CDKN2B-AS1: variants seen among roughly 807,000 people sequenced by gnomAD.
CDKN2B-AS1 encodes the protein CDKN2B antisense RNA 1 (non-protein coding).
At chr9:22,084,499 C>T (rs1401011004) in intron 4 of CDKN2B-AS1, among the ~76,000 whole-genome samples, 1 of 152,114 alleles carries the variant, frequency 6.6e-6, no homozygotes, top group African/African-American at 2.4e-5. Flanking sequence ...GATCAAAGCA[C>T]CTTTCAGCCT....
rs536499177 is a variant in CDKN2B-AS1, at chr9:22,065,909, C to T, written n.438+9522C>T. 7.1e-4 allele frequency among the ~76,000 whole-genome samples: 108 copies of T among 152,272 alleles called. 2 individuals are homozygous for T. The South Asian group carries it at 0.022, about 32-fold the overall frequency. Reference sequence around the variant, plus strand: ...ATTCAGCATCTTTTTGTACCCGTAGCTCTTTGTTCTGAGCATAAATGTGAC... The same window carrying T: ...ATTCAGCATCTTTTTGTACCCGTAGTTCTTTGTTCTGAGCATAAATGTGAC... On this transcript the variant is annotated intron_variant and non_coding_transcript_variant, in intron 4 of 4. Transcript: ENST00000650946.
At chr9:22,020,339 C>T (rs1414254625) in intron 1 of CDKN2B-AS1, among the ~76,000 whole-genome samples, 1 of 152,260 alleles carries the variant, frequency 6.6e-6, no homozygotes, top group East Asian at 1.9e-4. Flanking sequence ...AATAAACATA[C>T]ACATGCAAGT....
rs1430816596 is a variant in CDKN2B-AS1 at position 22,039,109 on chromosome 9, A to C, written n.30-7642A>C. 6.6e-6 allele frequency among the ~76,000 whole-genome samples: 1 copy of C among 152,048 alleles called. No homozygotes were observed. The highest frequency in any genetic ancestry group is 1.9e-4 in the East Asian group (1 of 5,182). ...TCTTTACTAAATAACTCTAGGGAACAGTACCTTAAAAATATTCAAAATGAC... is the reference window on the plus strand; with the variant it reads ...TCTTTACTAAATAACTCTAGGGAACCGTACCTTAAAAATATTCAAAATGAC... On this transcript the variant is annotated intron_variant and non_coding_transcript_variant, in intron 1 of 4. Transcript: ENST00000650946. This position sits in a 1 kb window ranked among gnomAD's most constrained non-coding sequence, Gnocchi z 4.4.
intron 3 of CDKN2B-AS1, among the ~76,000 whole-genome samples, chr9:22,049,918 C>T (rs1389594703): frequency 6.6e-6 from 1 of 151,958 alleles, no homozygotes; most frequent in African/African-American, 2.4e-5. Flanking sequence ...TCCTAGCAAT[C>T]ATAAAATTTA....
At chr9:22,009,217 C>T (rs1258286924) in intron 1 of CDKN2B-AS1, 2 of 593,038 alleles carry the variant, frequency 3.4e-6, no homozygotes, top group Non-Finnish European at 6.0e-6. Context: ...AAGCGCCTAG[C>T]GCGGACGCAG....
chr9:22,057,585 G>T (rs1823625156), intron 4 of CDKN2B-AS1, among the ~76,000 whole-genome samples: 1 of 151,868 alleles, frequency 6.6e-6, no homozygotes, highest in Non-Finnish European at 1.5e-5. Context: ...AAGGTGGGCT[G>T]ATTGCTTGAG....
chr9:22,025,947 A>C (rs1195636828), intron 1 of CDKN2B-AS1, among the ~76,000 whole-genome samples: 1 of 152,148 alleles, frequency 6.6e-6, no homozygotes, highest in East Asian at 1.9e-4. Context: ...CTAACAGCAA[A>C]TATGGTGGGC....
rs747033447 is a variant in CDKN2B-AS1, at chr9:22,005,969, C to T, written n.29+10808C>T. The T allele has an allele frequency of 9.4e-6, 15 of 1,598,872 alleles. No individual in the cohort carries two copies. The highest frequency in any genetic ancestry group is 4.0e-5 in the African/African-American group (3 of 74,892). On this transcript the variant is annotated intron_variant and non_coding_transcript_variant, in intron 1 of 4. Transcript: ENST00000650946. The surrounding 1 kb of genome is among the most constrained non-coding windows in gnomAD (Gnocchi z 4.9). ...GGTAAGAAAATAAAGTCGTTGTGGG[C>T]GGCTGGGGAACCTGGCGTCAGTCCC...
Position 22,022,364 on chromosome 9 carries a change from A to T in CDKN2B-AS1, n.30-24387A>T, listed in dbSNP as rs188870805. Among the ~76,000 whole-genome samples, 95 of 152,058 alleles carry T rather than the reference A, an allele frequency of 6.2e-4. 1 individual carries two copies. Among genetic ancestry groups the T allele is most frequent in the African/African-American group, 2.2e-3 (90 of 41,460 alleles). ...TGTTGGGTGTATATATATTTAGGAT[A>T]GTTAGATTTTCTCGTTGAATTGAAC... On this transcript the variant is annotated intron_variant and non_coding_transcript_variant, in intron 1 of 4. Transcript: ENST00000650946.
intron 4 of CDKN2B-AS1, among the ~76,000 whole-genome samples, chr9:22,081,516 C>G (rs1229244368): frequency 6.6e-6 from 1 of 152,116 alleles, no homozygotes; most frequent in Non-Finnish European, 1.5e-5. Context: ...GAGACTTGGC[C>G]CTGCCTGGCC....
At chr9:22,011,041 TTGAC>T (rs1286051047) in intron 1 of CDKN2B-AS1, among the ~76,000 whole-genome samples, 1 of 152,150 alleles carries the variant, frequency 6.6e-6, no homozygotes. Context: ...GCGAAGCAAG[TTGAC>T]TGAATGAAAA....
chr9:22,075,913 T>C (rs1425854816), intron 4 of CDKN2B-AS1, among the ~76,000 whole-genome samples: 3 of 152,202 alleles, frequency 2.0e-5, no homozygotes, highest in African/African-American at 7.2e-5. Context: ...CTCAAATCTT[T>C]GTATTACAGT....
chr9:22,049,893 A>AT (rs200803730), intron 3 of CDKN2B-AS1, among the ~76,000 whole-genome samples: 3 of 41,984 alleles, frequency 7.1e-5, no homozygotes, highest in Non-Finnish European at 1.6e-4. Context: ...TTCCTTAAAT[A>AT]TTTTTTTTCT....
At chr9:22,048,029 A>G (rs911392224) in intron 2 of CDKN2B-AS1, among the ~76,000 whole-genome samples, 1 of 151,736 alleles carries the variant, frequency 6.6e-6, no homozygotes, top group African/African-American at 2.4e-5. Flanking sequence ...TCCTAGGCTC[A>G]AGGTATCCAC....
At chr9:22,095,997 G>A (rs998694019) in intron 4 of CDKN2B-AS1, among the ~76,000 whole-genome samples, 7 of 152,140 alleles carry the variant, frequency 4.6e-5, no homozygotes, top group Admixed American at 6.5e-5. Flanking sequence ...CATGGTGATG[G>A]GAGGTACTGG....
intron 4 of CDKN2B-AS1, among the ~76,000 whole-genome samples, chr9:22,057,143 A>T (rs1022963360): frequency 3.3e-5 from 5 of 152,186 alleles, no homozygotes; most frequent in Non-Finnish European, 7.3e-5. Flanking sequence ...TGATAAAAAT[A>T]AATATTATTT....
intron 4 of CDKN2B-AS1, among the ~76,000 whole-genome samples, chr9:22,126,570 G>GTTTTTTTTTTTTTTTTTTT (rs1358644616): frequency 7.8e-6 from 1 of 128,264 alleles, no homozygotes; most frequent in African/African-American, 3.3e-5. Context: ...GGAGTAAGTG[G>GTTTTTTTTTTTTTTTTTTT]ATTCTTTTTT....
chr9:22,061,782 G>A (rs1823831525), intron 4 of CDKN2B-AS1, among the ~76,000 whole-genome samples: 1 of 151,972 alleles, frequency 6.6e-6, no homozygotes, highest in South Asian at 2.1e-4. Context: ...TACAAAAGGG[G>A]GGAGGGAATA....
intron 1 of CDKN2B-AS1, among the ~76,000 whole-genome samples, chr9:22,019,823 A>G (rs1386297215): frequency 6.6e-6 from 1 of 152,212 alleles, no homozygotes; most frequent in East Asian, 1.9e-4. Context: ...AGAATAGTAG[A>G]GTATAAAGAA....
Sources: allele counts gnomAD v4.1 joint callset (sites outside exome capture counted in the v4.1 genomes callset), GRCh38; gene constraint gnomAD v4.1.1; non-coding constraint Gnocchi (gnomAD v3.1); transcripts MANE v1.5; gene names NCBI Gene and HGNC (gene_info 2026-07-23, HGNC 2026-07-21).